LOC128125817: variants seen among roughly 807,000 people sequenced by gnomAD.
At chr1:41,594,745 C>T in the LOC128125817 span, among the ~76,000 whole-genome samples, 1 of 151,900 alleles carries the variant, frequency 6.6e-6, no homozygotes, top group Admixed American at 6.6e-5. Flanking sequence ...TTAAATGTAC[C>T]ATTAATTTTT....
At chr1:41,628,136 T>C in the LOC128125817 span, among the ~76,000 whole-genome samples, 2 of 152,172 alleles carry the variant, frequency 1.3e-5, no homozygotes, top group African/African-American at 2.4e-5. Flanking sequence ...CCAGGCTCAT[T>C]TGATCACTAT....
chr1:41,598,063 C>T, the LOC128125817 span, among the ~76,000 whole-genome samples: 1 of 152,232 alleles, frequency 6.6e-6, no homozygotes, highest in Non-Finnish European at 1.5e-5. Context: ...ATGAACTTAA[C>T]TCAACCTGTT....
At chr1:41,614,052 G>A in the LOC128125817 span, among the ~76,000 whole-genome samples, 4,404 of 152,324 alleles carry the variant, frequency 0.029, 210 homozygotes, top group African/African-American at 0.1. Context: ...GCAGGTTGGA[G>A]CTGGCCGCTC....
At chr1:41,628,669 G>A in the LOC128125817 span, 2 of 1,034,610 alleles carry the variant, frequency 1.9e-6, no homozygotes, top group Non-Finnish European at 2.5e-6. Context: ...ATTTTTCAGA[G>A]GAAGAACTAA....
the LOC128125817 span, among the ~76,000 whole-genome samples, chr1:41,618,583 G>C: frequency 6.6e-6 from 1 of 152,100 alleles, no homozygotes; most frequent in Non-Finnish European, 1.5e-5. Flanking sequence ...CCCCTGTCCC[G>C]TTCTTTCCCT....
chr1:41,619,212 C>T, the LOC128125817 span, among the ~76,000 whole-genome samples: 1 of 152,186 alleles, frequency 6.6e-6, no homozygotes, highest in Non-Finnish European at 1.5e-5. Context: ...GCCTGGAATA[C>T]TCTTTTCTGA....
the LOC128125817 span, among the ~76,000 whole-genome samples, chr1:41,595,876 T>G: frequency 6.6e-6 from 1 of 152,214 alleles, no homozygotes; most frequent in South Asian, 2.1e-4. Flanking sequence ...CAGACTGGCT[T>G]CCTTGCTTGC....
chr1:41,594,206 A>G, the LOC128125817 span, among the ~76,000 whole-genome samples: 1 of 152,170 alleles, frequency 6.6e-6, no homozygotes, highest in African/African-American at 2.4e-5. Flanking sequence ...AAGATATCTT[A>G]CGTTTCAGTT....
the LOC128125817 span, among the ~76,000 whole-genome samples, chr1:41,617,845 C>T: frequency 1.3e-5 from 2 of 152,008 alleles, no homozygotes; most frequent in East Asian, 3.9e-4. Flanking sequence ...AGAGAAGATG[C>T]CAATGGCTTT....
the LOC128125817 span, among the ~76,000 whole-genome samples, chr1:41,586,345 C>T: frequency 6.6e-6 from 1 of 152,292 alleles, no homozygotes; most frequent in African/African-American, 2.4e-5. Flanking sequence ...TCCATCTCAC[C>T]CAACCACCTG....
chr1:41,624,893 C>T, the LOC128125817 span, among the ~76,000 whole-genome samples: 7 of 152,254 alleles, frequency 4.6e-5, no homozygotes, highest in East Asian at 3.9e-4. Context: ...TGGCCAGGCG[C>T]GGTGGCTCAC....
chr1:41,622,111 T>C, the LOC128125817 span, among the ~76,000 whole-genome samples: 1 of 152,180 alleles, frequency 6.6e-6, no homozygotes, highest in African/African-American at 2.4e-5. Context: ...TAACAAATGC[T>C]TACTGAGCAC....
chr1:41,600,914 G>A, the LOC128125817 span, among the ~76,000 whole-genome samples: 1 of 152,088 alleles, frequency 6.6e-6, no homozygotes, highest in African/African-American at 2.4e-5. Flanking sequence ...TATGTACGGT[G>A]ATTTTTATGT....
chr1:41,588,801 G>T, the LOC128125817 span, among the ~76,000 whole-genome samples: 4 of 152,142 alleles, frequency 2.6e-5, no homozygotes, highest in Non-Finnish European at 5.9e-5. Context: ...CATGGTGGAG[G>T]GTGGCTAGCC....
At chr1:41,614,703 T>C in the LOC128125817 span, among the ~76,000 whole-genome samples, 1 of 152,122 alleles carries the variant, frequency 6.6e-6, no homozygotes, top group Non-Finnish European at 1.5e-5. Context: ...CCAGAAGGGA[T>C]GGAAGAAGAT....
chr1:41,593,124 T>C, the LOC128125817 span, among the ~76,000 whole-genome samples: 1 of 152,198 alleles, frequency 6.6e-6, no homozygotes, highest in Non-Finnish European at 1.5e-5. Flanking sequence ...GGGAACTTTC[T>C]CCTTCTTTTA....
At chr1:41,587,637 G>T in the LOC128125817 span, among the ~76,000 whole-genome samples, 2 of 152,172 alleles carry the variant, frequency 1.3e-5, no homozygotes, top group Non-Finnish European at 2.9e-5. Flanking sequence ...GGAGACTAAA[G>T]TTACACCGTG....
At chr1:41,592,585 G>A in the LOC128125817 span, among the ~76,000 whole-genome samples, 2 of 152,112 alleles carry the variant, frequency 1.3e-5, no homozygotes, top group Non-Finnish European at 2.9e-5. Flanking sequence ...AACCCTCCCC[G>A]TGGGACTGAC....
chr1:41,609,463 G>A, the LOC128125817 span, among the ~76,000 whole-genome samples: 1 of 152,226 alleles, frequency 6.6e-6, no homozygotes, highest in Non-Finnish European at 1.5e-5. Flanking sequence ...GTTTGCCTTT[G>A]GAGGTGGATA....
Sources: allele counts gnomAD v4.1 joint callset (sites outside exome capture counted in the v4.1 genomes callset), GRCh38; gene constraint gnomAD v4.1.1; transcripts MANE v1.5.